The following ABR variants were observed in gnomAD, a reference collection of about 807,000 sequenced individuals.
The protein encoded by ABR is active breakpoint cluster region-related protein.
A neutral mutation model predicts 107.2 loss-of-function variants in ABR; 35 were observed. The observed-to-expected ratio is 0.33, with a 90% CI of 0.25 to 0.43. The LOEUF is 0.43. Ranked by LOEUF, ABR falls within the 20% of genes least tolerant of loss-of-function variation. The pLI is 1.00. For missense variants in ABR, 815 were observed against 1,115.2 expected, an observed-to-expected ratio of 0.73 and a Z score of 3.83; for synonymous variants, 498 against 462.0, an observed-to-expected ratio of 1.08 and a Z score of -1.00.
chr17:1,090,514 AGT>A (rs906346505), intron 4 of ABR, among the ~76,000 whole-genome samples: 3 of 152,260 alleles, frequency 2.0e-5, no homozygotes, highest in African/African-American at 7.2e-5. Flanking sequence ...ACGGCCAAAA[AGT>A]GGAGTCCACA....
chr17:1,018,267 C>A (rs544681498), intron 16 of ABR, among the ~76,000 whole-genome samples: 1 of 152,062 alleles, frequency 6.6e-6, no homozygotes, highest in African/African-American at 2.4e-5. Flanking sequence ...TGGTCTTGAT[C>A]TCCTGACCTC....
intron 2 of ABR, among the ~76,000 whole-genome samples, chr17:1,122,655 A>G (rs2039403279): frequency 2.0e-5 from 3 of 152,162 alleles, no homozygotes; most frequent in Admixed American, 1.3e-4. Context: ...TGGAACCAAT[A>G]TTGGCTGTCC....
intron 1 of ABR, among the ~76,000 whole-genome samples, chr17:1,136,351 C>T (rs1168391139): frequency 2.0e-5 from 3 of 152,186 alleles, no homozygotes; most frequent in Non-Finnish European, 2.9e-5. Flanking sequence ...GCCTCAGCCT[C>T]CTGAGTAGCT....
rs2070007301 is a variant in ABR, at chr17:1,006,105, G to C, written c.2555C>G (p.Thr852Arg). ...CTACACGTCGGTGGAGAAGTACAGT[G>C]TGTTCCGCTTGAGTTCTGCGAAGGA... ...PISFAELKRN[T>R]LYFSTDV Residue 852 changes from threonine to arginine, a missense_variant, in exon 23 of 23, where the codon ACA becomes AGA. Physicochemically the swap from Thr to Arg is moderately conservative, Grantham distance 71 (BLOSUM62 -1). Transcript: ENST00000302538. The C allele has an allele frequency of 6.3e-7, 1 of 1,580,058 alleles. No homozygotes were observed. The highest frequency in any genetic ancestry group is 8.6e-7 in the Non-Finnish European group (1 of 1,162,726).
At position 1,043,433 on chromosome 17, in the gene ABR, T is replaced by C. The variant is rs759097038; in HGVS notation, c.1791+6617A>G. 3.3e-5 allele frequency among the ~76,000 whole-genome samples: 5 copies of C among 152,124 alleles called. No homozygotes were observed. In the Middle Eastern group the frequency reaches 0.014, roughly 414 times the overall value. On this transcript the variant is annotated intron_variant, in intron 16 of 22. Transcript: ENST00000302538. ...ATCCATCTACCTCGGCCTCCCAAAG[T>C]GCTGGGATTACAGGCGTGAGCCACC...
intron 1 of ABR, among the ~76,000 whole-genome samples, chr17:1,172,106 G>C (rs1415308675): frequency 6.6e-6 from 1 of 152,342 alleles, no homozygotes; most frequent in South Asian, 2.1e-4. Context: ...AAGGGCAGGA[G>C]GAGGACACAG....
At chr17:1,021,424 C>T (rs532570368) in intron 16 of ABR, among the ~76,000 whole-genome samples, 191 of 152,340 alleles carry the variant, frequency 1.3e-3, no homozygotes, top group African/African-American at 4.1e-3. Context: ...TCACGGCTGG[C>T]GCTCTTCTAC....
At chr17:1,141,944 G>T (rs901226549) in intron 1 of ABR, among the ~76,000 whole-genome samples, 2 of 152,006 alleles carry the variant, frequency 1.3e-5, no homozygotes, top group Admixed American at 1.3e-4. Flanking sequence ...TTTTAGTAGA[G>T]GTAGGGTTTC....
chr17:1,212,267 A>G (rs1401034613), intron 1 of ABR, among the ~76,000 whole-genome samples: 2 of 151,428 alleles, frequency 1.3e-5, no homozygotes, highest in Non-Finnish European at 2.9e-5. Flanking sequence ...CATCTCTACA[A>G]AAGTTTTATA....
intron 5 of ABR, among the ~76,000 whole-genome samples, chr17:1,079,909 C>T (rs1391943390): frequency 6.6e-6 from 1 of 150,886 alleles, no homozygotes; most frequent in African/African-American, 2.4e-5. Context: ...CCTGGAGCCT[C>T]GTGGAGTCCA....
At position 1,057,950 on chromosome 17, in the gene ABR, T is replaced by A; in HGVS notation, c.1381+20A>T. The A allele has an allele frequency of 6.2e-7, 1 of 1,608,310 alleles. No homozygotes were observed. Among genetic ancestry groups the A allele is most frequent in the Non-Finnish European group, 8.5e-7 (1 of 1,175,008 alleles). Reference sequence around the variant, plus strand: ...ATGCCACGGACATCATTGGGGAGCGTGGAAGAGGCAGGAATTTACCCTTCT... The same window carrying A: ...ATGCCACGGACATCATTGGGGAGCGAGGAAGAGGCAGGAATTTACCCTTCT... On this transcript the variant is annotated intron_variant, in intron 12 of 22. Coordinates refer to ENST00000302538, the MANE Select transcript of ABR (RefSeq NM_021962.5).
rs2035270699 is a variant in ABR at position 1,071,930 on chromosome 17, G to A, written c.894+684C>T. ...TTGTTATTATTATTTCTGAGATGGA[G>A]TCTCACTCTGTCACCCAGGCTGGAG... On this transcript the variant is annotated intron_variant, in intron 8 of 22. Transcript: ENST00000302538. This position sits in a 1 kb window ranked among gnomAD's most constrained non-coding sequence, Gnocchi z 5.1. Among the ~76,000 whole-genome samples, 2 of 152,180 alleles carry A rather than the reference G, an allele frequency of 1.3e-5. No individual in the cohort carries two copies. The highest frequency in any genetic ancestry group is 2.4e-5 in the African/African-American group (1 of 41,442).
Position 1,078,842 on chromosome 17 carries a change from A to C in ABR, c.700+488T>G. The C allele has an allele frequency of 1.3e-6, 2 of 1,535,576 alleles. No homozygotes were observed. The highest frequency in any genetic ancestry group is 1.7e-6 in the Non-Finnish European group (2 of 1,146,834). ...AGGTGCAGTTACAGCAGAAGCGAAT[A>C]ATGAGGAGAATCTCCATGGCAGCCT... On this transcript the variant is annotated intron_variant, in intron 6 of 22. Coordinates refer to ENST00000302538, the MANE Select transcript of ABR (RefSeq NM_021962.5). The surrounding 1 kb of genome is among the most constrained non-coding windows in gnomAD (Gnocchi z 7.5).
At chr17:1,066,986 C>G (rs2034805570) in intron 10 of ABR, 91 bp downstream of exon 10, 11 of 1,407,082 alleles carry the variant, frequency 7.8e-6, no homozygotes, top group African/African-American at 1.4e-5. Flanking sequence ...GGCTCCCTCT[C>G]AAAGTCTCAA....
intron 16 of ABR, among the ~76,000 whole-genome samples, chr17:1,047,762 C>T (rs2261043): frequency 0.36 from 54,987 of 152,114 alleles, 10,464 homozygotes; most frequent in East Asian, 0.66. Context: ...CCACTGCCTC[C>T]ATCTGCTCCT....
chr17:1,175,764 C>T (rs777091799), intron 1 of ABR, among the ~76,000 whole-genome samples: 6 of 152,150 alleles, frequency 3.9e-5, no homozygotes, highest in Non-Finnish European at 5.9e-5. Context: ...CCTGTCAAAA[C>T]CAGAAAGAAT....
At chr17:1,097,956 C>T (rs867514911) in intron 3 of ABR, among the ~76,000 whole-genome samples, 4 of 152,300 alleles carry the variant, frequency 2.6e-5, no homozygotes, top group East Asian at 1.9e-4. Flanking sequence ...AAGCATCTCC[C>T]GATCTTCTCA....
At chr17:1,125,068 C>G in intron 2 of ABR, 115 bp downstream of exon 2, 2 of 1,116,882 alleles carry the variant, frequency 1.8e-6, no homozygotes, top group Non-Finnish European at 2.5e-6. Flanking sequence ...ACGGCCAGGT[C>G]CAAACGTCTC....
intron 1 of ABR, among the ~76,000 whole-genome samples, chr17:1,202,365 C>G (rs1175156639): frequency 1.3e-5 from 2 of 152,168 alleles, no homozygotes; most frequent in Non-Finnish European, 2.9e-5. Context: ...CATACCAGAG[C>G]CCCAGAGCGC....
Sources: allele counts gnomAD v4.1 joint callset (sites outside exome capture counted in the v4.1 genomes callset), GRCh38; gene constraint gnomAD v4.1.1; non-coding constraint Gnocchi (gnomAD v3.1); transcripts MANE v1.5; gene names NCBI Gene and HGNC (gene_info 2026-07-23, HGNC 2026-07-21).